PUS10: variants seen among roughly 807,000 people sequenced by gnomAD.
PUS10 encodes the protein pseudouridine synthase 10, also known as tRNA pseudouridine synthase Pus10.
PUS10 carries 59 observed loss-of-function variants against 75.0 expected under a neutral mutation model. The ratio of observed to expected loss-of-function variants is 0.79; its 90% CI spans 0.64 to 0.98. The LOEUF is 0.98. Ranked by LOEUF, PUS10 falls within the 50% of genes least tolerant of loss-of-function variation. PUS10 has a pLI of 0.00. For synonymous variants in PUS10, 219 were observed against 211.6 expected (o/e 1.03, Z -0.30); for missense variants, 650 against 614.4 (o/e 1.06, Z -0.61).
chr2:60,957,429 C>T (rs573288164), intron 11 of PUS10, among the ~76,000 whole-genome samples: 2 of 152,292 alleles, frequency 1.3e-5, no homozygotes, highest in African/African-American at 4.8e-5. Context: ...ATGTAGTACC[C>T]CCAGCCCAGG....
chr2:60,986,753 A>G (rs1677746559), intron 4 of PUS10, among the ~76,000 whole-genome samples: 1 of 152,206 alleles, frequency 6.6e-6, no homozygotes, highest in African/African-American at 2.4e-5. Flanking sequence ...AAGTAGTATC[A>G]GAACAGCATA....
chr2:60,944,866 C>T (rs1218546360), intron 17 of PUS10, 143 bp downstream of exon 17: 11 of 597,348 alleles, frequency 1.8e-5, no homozygotes, highest in Middle Eastern at 2.6e-4. Flanking sequence ...ACAGTCCCTC[C>T]CTTCAATACA....
chr2:60,952,242 G>A (rs977374275), intron 15 of PUS10, among the ~76,000 whole-genome samples: 54 of 151,342 alleles, frequency 3.6e-4, no homozygotes, highest in African/African-American at 1.3e-3. Flanking sequence ...GCTGAGGCAG[G>A]AGAATCGCTT....
At chr2:60,999,356 T>C (rs1678692564) in intron 4 of PUS10, among the ~76,000 whole-genome samples, 1 of 152,158 alleles carries the variant, frequency 6.6e-6, no homozygotes, top group Non-Finnish European at 1.5e-5. Flanking sequence ...TGCAGTAGCC[T>C]GTAATACTAG....
intron 3 of PUS10, 24 bp from the exon 4 acceptor site, chr2:61,006,667 A>G: frequency 6.4e-7 from 1 of 1,568,276 alleles, no homozygotes. Context: ...ACAATTATGT[A>G]AATTCCCAGG....
Position 61,008,895 on chromosome 2 carries a change from G to T in PUS10, c.247C>A (p.Leu83Ile). Residue 83 changes from leucine (L) to isoleucine (I), a missense_variant, in exon 3 of 18, where the codon CTA becomes ATA. Coordinates refer to ENST00000316752, the MANE Select transcript of PUS10 (RefSeq NM_144709.4). ...ATCCTTCCCTCTCCATTTTGACTTAGATTATCAATACTATCTTCCAGTTCT... is the reference window on the plus strand; with the variant it reads ...ATCCTTCCCTCTCCATTTTGACTTATATTATCAATACTATCTTCCAGTTCT... ...LQELEDSIDN[L>I]SQNGEGRISV... 6.2e-7 allele frequency: 1 copy of T among 1,613,854 alleles called. No individual in the cohort carries two copies. The highest frequency in any genetic ancestry group is 8.5e-7 in the Non-Finnish European group (1 of 1,179,914).
At chr2:60,970,539 T>C (rs1676592244) in intron 5 of PUS10, among the ~76,000 whole-genome samples, 1 of 152,146 alleles carries the variant, frequency 6.6e-6, no homozygotes, top group Non-Finnish European at 1.5e-5. Context: ...GGGAATCAAA[T>C]CCTGATTTGA....
chr2:60,944,715 G>A (rs1472317563), intron 17 of PUS10, among the ~76,000 whole-genome samples: 2 of 152,018 alleles, frequency 1.3e-5, no homozygotes, highest in Non-Finnish European at 2.9e-5. Context: ...TTTATAAAAC[G>A]CAACAGGTAT....
rs138283915 is a variant in PUS10, at chr2:60,953,036, C to A, written c.1269G>T (p.Ala423=). The change falls in exon 15 of 18, where the codon GCG becomes GCT. Residue 423 remains alanine (A), a synonymous_variant. Transcript: ENST00000316752. The part of the protein sequence containing the change: ...TYSALIWTNK[A]IQKKDIEFLN... The stretch of plus-strand genomic sequence containing the variant: ...GGAATTCAATGTCTTTCTTCTGTAT[C>A]GCTTTATTTGTCCAAATTAAGGCAC... 1 of 1,600,218 alleles carries A rather than the reference C, an allele frequency of 6.2e-7. No individual in the cohort carries two copies. The highest frequency in any genetic ancestry group is 8.6e-7 in the Non-Finnish European group (1 of 1,167,338).
At chr2:60,960,292 T>TGTGATC (rs1675940676) in intron 11 of PUS10, 100 bp downstream of exon 11, 4 of 896,644 alleles carry the variant, frequency 4.5e-6, no homozygotes, top group Non-Finnish European at 6.3e-6. Context: ...TGCCATAAGC[T>TGTGATC]GTGATCGTGC....
intron 9 of PUS10, among the ~76,000 whole-genome samples, chr2:60,962,578 A>T (rs1377888520): frequency 6.6e-6 from 1 of 152,168 alleles, no homozygotes; most frequent in African/African-American, 2.4e-5. Context: ...CTGTCTCAAA[A>T]AAATAAATAA....
chr2:60,948,108 G>C lies in PUS10; in HGVS notation c.1386C>G (p.His462Gln). Residue 462 changes from histidine to glutamine, a missense_variant, in exon 16 of 18, where the codon CAC (histidine) becomes CAG (glutamine). Physicochemically the swap from His to Gln is conservative, Grantham distance 24. Coordinates refer to ENST00000316752, the MANE Select transcript of PUS10 (RefSeq NM_144709.4). ...RPLAVRARVI[H>Q]FMETQYVDEH... ...CATCCACGTACTGTGTCTCCATGAAGTGAATGACGCGAGCTCGCACAGCCA... is the reference window on the plus strand; with the variant it reads ...CATCCACGTACTGTGTCTCCATGAACTGAATGACGCGAGCTCGCACAGCCA... The C allele has an allele frequency of 6.2e-7, 1 of 1,614,154 alleles. No homozygotes were observed. The highest frequency in any genetic ancestry group is 8.5e-7 in the Non-Finnish European group (1 of 1,180,028).
intron 1 of PUS10, chr2:61,017,724 A>T (rs750534894): frequency 1.3e-6 from 2 of 1,524,766 alleles, no homozygotes; most frequent in East Asian, 4.9e-5. Context: ...CTGGACAGTC[A>T]GGGGTAGGAG....
intron 8 of PUS10, among the ~76,000 whole-genome samples, chr2:60,964,516 T>G (rs1490360479): frequency 2.0e-5 from 3 of 152,314 alleles, no homozygotes; most frequent in East Asian, 1.9e-4. Context: ...TCCGTTAACA[T>G]GAAGATTAGC....
At chr2:60,997,273 T>C (rs935177989) in intron 4 of PUS10, among the ~76,000 whole-genome samples, 5 of 152,116 alleles carry the variant, frequency 3.3e-5, no homozygotes, top group Non-Finnish European at 5.9e-5. Flanking sequence ...GCTTAAGGGG[T>C]AGTCCCTAAA....
At chr2:60,986,897 C>G (rs1187285593) in intron 4 of PUS10, among the ~76,000 whole-genome samples, 1 of 152,128 alleles carries the variant, frequency 6.6e-6, no homozygotes, top group African/African-American at 2.4e-5. Flanking sequence ...TTTCTTTCCC[C>G]ATCTAGAAGA....
At chr2:61,001,359 C>T (rs930376033) in intron 4 of PUS10, among the ~76,000 whole-genome samples, 7 of 151,996 alleles carry the variant, frequency 4.6e-5, no homozygotes, top group African/African-American at 1.7e-4. Flanking sequence ...TCACTGCAGC[C>T]TCCCCCTCCC....
chr2:60,986,293 G>C (rs976657846), intron 4 of PUS10, among the ~76,000 whole-genome samples: 5 of 152,144 alleles, frequency 3.3e-5, no homozygotes, highest in Non-Finnish European at 7.4e-5. Flanking sequence ...TGTTGACCTA[G>C]TTTAAGTTAC....
intron 4 of PUS10, among the ~76,000 whole-genome samples, chr2:60,978,728 T>C (rs941355695): frequency 6.6e-6 from 1 of 152,212 alleles, no homozygotes; most frequent in African/African-American, 2.4e-5. Flanking sequence ...ATGCCCACTC[T>C]GGTTGCATTG....
Sources: allele counts gnomAD v4.1 joint callset (sites outside exome capture counted in the v4.1 genomes callset), GRCh38; gene constraint gnomAD v4.1.1; transcripts MANE v1.5; gene names NCBI Gene and HGNC (gene_info 2026-07-23, HGNC 2026-07-21).